NAPA: variants seen among roughly 807,000 people sequenced by gnomAD.
NAPA encodes NSF attachment protein alpha.
Under a neutral mutation model 48.0 loss-of-function variants are expected in NAPA, and 18 were observed. That is an observed-to-expected ratio of 0.38 (90% CI 0.26 to 0.56). The LOEUF is 0.56. Among genes scored for constraint, NAPA ranks in the 20% least tolerant of loss-of-function variants. The pLI is 0.77. For missense variants in NAPA, 315 were observed against 385.0 expected, an observed-to-expected ratio of 0.82 and a Z score of 1.52; for synonymous variants, 152 against 149.9, an observed-to-expected ratio of 1.01 and a Z score of -0.10.
chr19:47,496,139 G>C (rs552027706), intron 3 of NAPA: 2 of 159,356 alleles, frequency 1.3e-5, no homozygotes, highest in Admixed American at 1.2e-4. Flanking sequence ...GGAGGACCTG[G>C]ACCTCTGGCA....
chr19:47,514,035 G>A (rs1968857612), intron 1 of NAPA, among the ~76,000 whole-genome samples: 1 of 151,438 alleles, frequency 6.6e-6, no homozygotes, highest in African/African-American at 2.4e-5. Context: ...TTTTAGTAGA[G>A]ACGGGGTTTC....
chr19:47,485,083 T>C (rs193046094), downstream of NAPA, among the ~76,000 whole-genome samples: 6 of 152,276 alleles, frequency 3.9e-5, no homozygotes, highest in Admixed American at 2.6e-4. Flanking sequence ...CCAGCTATAA[T>C]AACCACCTCC....
At chr19:47,505,455 C>T (rs1968674782) in intron 1 of NAPA, 1 of 152,268 alleles carries the variant, frequency 6.6e-6, no homozygotes, top group Non-Finnish European at 1.5e-5. Context: ...CCTGCCCATC[C>T]CTTTCAGCCA....
At chr19:47,487,467 G>A (rs1022415972), downstream of NAPA, among the ~76,000 whole-genome samples, 17 of 152,074 alleles carry the variant, frequency 1.1e-4, no homozygotes, top group Admixed American at 6.5e-4. Flanking sequence ...CAGGCCCACC[G>A]TCCCTGGGTC....
chr19:47,508,825 C>T (rs1238713899), intron 1 of NAPA, among the ~76,000 whole-genome samples: 1 of 152,112 alleles, frequency 6.6e-6, no homozygotes, highest in African/African-American at 2.4e-5. Context: ...GTGGCTCACA[C>T]CTACAATCCC....
chr19:47,492,872 T>A (rs752492803), intron 7 of NAPA, 89 bp downstream of exon 7: 1 of 1,234,612 alleles, frequency 8.1e-7, no homozygotes, highest in Non-Finnish European at 1.2e-6. Context: ...GGGGGAGGGG[T>A]GGTTCCAGAA....
chr19:47,491,985 C>T (rs368968075), intron 8 of NAPA, 30 bp downstream of exon 8: 59 of 1,589,052 alleles, frequency 3.7e-5, no homozygotes, highest in East Asian at 3.4e-4. Flanking sequence ...TGGCCTGGTG[C>T]GGTGGTCCTG....
intron 3 of NAPA, among the ~76,000 whole-genome samples, chr19:47,498,439 T>C (rs892437015): frequency 9.9e-5 from 15 of 152,154 alleles, no homozygotes; most frequent in African/African-American, 3.6e-4. Context: ...CATGACTGCA[T>C]CATCTCACAG....
At chr19:47,489,803 C>A in intron 9 of NAPA, 42 bp from the exon 10 acceptor site, 1 of 1,610,456 alleles carries the variant, frequency 6.2e-7, no homozygotes, top group Non-Finnish European at 8.5e-7. Flanking sequence ...CCTATGCTGA[C>A]CTGAGGTCTG....
At chr19:47,489,475 G>C (rs538048088) in intron 10 of NAPA, 240 of 580,916 alleles carry the variant, frequency 4.1e-4, no homozygotes, top group African/African-American at 3.8e-3. Context: ...AGGGGCCAAG[G>C]CCGAGCCTCC....
chr19:47,505,885 G>A (rs949535215), intron 1 of NAPA, among the ~76,000 whole-genome samples: 1 of 152,032 alleles, frequency 6.6e-6, no homozygotes, highest in African/African-American at 2.4e-5. Context: ...CCTGGGAAGT[G>A]GCCCTGAGCA....
intron 3 of NAPA, among the ~76,000 whole-genome samples, chr19:47,497,955 G>A (rs985853117): frequency 1.3e-5 from 2 of 152,214 alleles, no homozygotes; most frequent in Non-Finnish European, 2.9e-5. Context: ...CCTGGGAAGA[G>A]GCCTCGCTGG....
intron 3 of NAPA, among the ~76,000 whole-genome samples, chr19:47,500,384 A>C (rs1454397741): frequency 6.6e-6 from 1 of 152,164 alleles, no homozygotes; most frequent in Non-Finnish European, 1.5e-5. Flanking sequence ...GGAAGGGGTG[A>C]TCAGCTGCAC....
Position 47,514,834 on chromosome 19 carries a change from G to T in NAPA, c.98+9C>A. On this transcript the variant is annotated intron_variant, in intron 1 of 10. Coordinates refer to ENST00000263354, the MANE Select transcript of NAPA (RefSeq NM_003827.4). ...TAGGTCCCGGCCGACCCCTCAGCCC[G>T]GTTCTCACCCAAAGAGGCCAGAGAA... 1 of 1,612,988 alleles carries T rather than the reference G, an allele frequency of 6.2e-7. No individual in the cohort carries two copies. The highest frequency in any genetic ancestry group is 2.2e-5 in the East Asian group (1 of 44,854).
Position 47,490,808 on chromosome 19 carries a change from G to C in NAPA, c.715C>G (p.Arg239Gly), listed in dbSNP as rs779668437. ...CTTACTTTCATCAACTTGCATTCCC[G>C]GGAATCAGAGAAAGCTGGGAACAGC... ...EELFPAFSDS[R>G]ECKLMKKLLE... The change falls in exon 9 of 11, where the codon CGG becomes GGG. Residue 239 changes from arginine (R) to glycine (G), a missense_variant. By Grantham distance (125) the Arg-to-Gly change is moderately radical (BLOSUM62 -2). Around this residue, in one of 3 missense-constraint regions of NAPA, gnomAD observed 137 missense variants for 150.1 expected, o/e 0.91. Transcript: ENST00000263354. 6.2e-7 allele frequency: 1 copy of C among 1,613,648 alleles called. No individual in the cohort carries two copies. The highest frequency in any genetic ancestry group is 1.1e-5 in the South Asian group (1 of 90,982).
chr19:47,514,059 G>C (rs749256031), intron 1 of NAPA, among the ~76,000 whole-genome samples: 20 of 151,692 alleles, frequency 1.3e-4, no homozygotes, highest in Admixed American at 1.2e-3. Context: ...ATGTTGTCCA[G>C]GCTGGTCTCG....
At chr19:47,494,735 CAAAAAAAAA>C (rs11462456) in intron 4 of NAPA, among the ~76,000 whole-genome samples, 1 of 67,204 alleles carries the variant, frequency 1.5e-5, no homozygotes, top group South Asian at 7.1e-4. Flanking sequence ...AACTCTGTCT[CAAAAAAAAA>C]AAAAAAAAAA....
chr19:47,508,299 C>T (rs1968733031), intron 1 of NAPA, among the ~76,000 whole-genome samples: 1 of 152,220 alleles, frequency 6.6e-6, no homozygotes, highest in Admixed American at 6.5e-5. Context: ...GAGCTGGGAG[C>T]TGCCAGAGGC....
At position 47,506,288 on chromosome 19, in the gene NAPA, G is replaced by A. The variant is rs566114966; in HGVS notation, c.99-2786C>T. Among the ~76,000 whole-genome samples the A allele has an allele frequency of 5.2e-4, 79 of 152,174 alleles. No individual in the cohort carries two copies. The highest frequency in any genetic ancestry group is 1.8e-3 in the African/African-American group (76 of 41,516). ...GCTGGGATTACAGGCATGAGCCACC[G>A]TGCCCAGCCTGGAATGACTTCTTTA... is the stretch of plus-strand genomic sequence containing the variant. On this transcript the variant is annotated intron_variant, in intron 1 of 10. Coordinates refer to ENST00000263354, the MANE Select transcript of NAPA (RefSeq NM_003827.4). This position sits in a 1 kb window ranked among gnomAD's most constrained non-coding sequence, Gnocchi z 4.0.
Sources: allele counts gnomAD v4.1 joint callset (sites outside exome capture counted in the v4.1 genomes callset), GRCh38; gene constraint gnomAD v4.1.1; regional missense constraint gnomAD v4.1.1; non-coding constraint Gnocchi (gnomAD v3.1); transcripts MANE v1.5; gene names NCBI Gene and HGNC (gene_info 2026-07-23, HGNC 2026-07-21).